Variants in IL18 observed in about 807,000 individuals in gnomAD.
IL18 encodes the protein interleukin 18, also known as interleukin-18.
IL18 carries 8 observed loss-of-function variants against 14.2 expected under a neutral mutation model. That is an observed-to-expected ratio of 0.56 (90% confidence interval 0.33 to 1.01). The LOEUF is 1.01. IL18 is among the 50% of genes least tolerant of loss of function. IL18 has a pLI of 0.03. For synonymous variants in IL18, 67 were observed against 71.0 expected, an observed-to-expected ratio of 0.94 and a Z score of 0.28; for missense variants, 166 against 231.1, an observed-to-expected ratio of 0.72 and a Z score of 1.83.
At chr11:112,151,725 T>C (rs1262744922) in intron 3 of IL18, among the ~76,000 whole-genome samples, 2 of 152,220 alleles carry the variant, frequency 1.3e-5, no homozygotes, top group Admixed American at 1.3e-4. Context: ...TCCTTGTTGC[T>C]AAATCTAAAA....
At chr11:112,159,744 C>G (rs1204719705) in intron 1 of IL18, among the ~76,000 whole-genome samples, 5 of 152,176 alleles carry the variant, frequency 3.3e-5, no homozygotes, top group Non-Finnish European at 7.3e-5. Flanking sequence ...TAAGCTTAAA[C>G]TTGTTCATTG....
At chr11:112,150,038 A>C in intron 4 of IL18, 34 bp downstream of exon 4, 2 of 1,562,630 alleles carry the variant, frequency 1.3e-6, no homozygotes, top group Non-Finnish European at 1.7e-6. Context: ...AGAAGTAGCT[A>C]GTCATTTCTA....
chr11:112,143,866 G>A, intron 5 of IL18, 49 bp from the exon 6 acceptor site: 3 of 1,186,564 alleles, frequency 2.5e-6, no homozygotes, highest in Non-Finnish European at 3.6e-6. Flanking sequence ...TGAACAATTT[G>A]AATATATGAA....
At chr11:112,152,818 TAG>T (rs1866467730) in intron 3 of IL18, among the ~76,000 whole-genome samples, 4 of 152,218 alleles carry the variant, frequency 2.6e-5, no homozygotes, top group African/African-American at 9.6e-5. Context: ...GCTGCCTACT[TAG>T]ACTTTCTTTG....
At chr11:112,146,244 T>A (rs1866341018) in intron 5 of IL18, among the ~76,000 whole-genome samples, 1 of 151,974 alleles carries the variant, frequency 6.6e-6, no homozygotes, top group South Asian at 2.1e-4. Flanking sequence ...GTTGTCAAGG[T>A]TCTTGACCAA....
intron 5 of IL18, among the ~76,000 whole-genome samples, chr11:112,145,583 C>T (rs1251222953): frequency 6.6e-6 from 1 of 151,792 alleles, no homozygotes; most frequent in South Asian, 2.1e-4. Context: ...ACTAAAAATA[C>T]AAAAAATTAG....
Position 112,155,040 on chromosome 11 carries a change from G to A in IL18, c.14C>T (p.Pro5Leu). The change falls in exon 2 of 6, where the codon CCA (proline) becomes CTA (leucine). Residue 5 changes from proline to leucine, a missense_variant. Pro to Leu is a moderately conservative substitution (Grantham distance 98). Transcript: ENST00000280357. Reference sequence around the variant, plus strand: ...AAAGTTGATGCAATTGTCTTCTACTGGTTCAGCAGCCATCTTTATTCCTAA... The same window carrying A: ...AAAGTTGATGCAATTGTCTTCTACTAGTTCAGCAGCCATCTTTATTCCTAA... MAAE[P>L]VEDNCINFVA... is the part of the protein sequence containing the mutation. 8 of 1,611,570 alleles carry A rather than the reference G, an allele frequency of 5.0e-6. No homozygotes were observed. The highest frequency in any genetic ancestry group is 5.9e-6 in the Non-Finnish European group (7 of 1,177,866).
chr11:112,143,716 T>C lies in IL18; in HGVS notation c.462A>G (p.Ser154=), dbSNP rs967939118. 2.5e-6 allele frequency: 4 copies of C among 1,611,394 alleles called. No individual in the cohort carries two copies. The African/African-American group carries it at 4.0e-5, about 16-fold the overall frequency. The change falls in exon 6 of 6, where the codon TCA becomes TCG. Residue 154 remains serine (S), a synonymous_variant. Coordinates refer to ENST00000280357, the MANE Select transcript of IL18 (RefSeq NM_001562.4). Reference sequence around the variant, plus strand: ...AAGCTAGAAAGTATCCTTCGTATGATGAAGATTCAAATTGCATCTTATTAT... The same window carrying C: ...AAGCTAGAAAGTATCCTTCGTATGACGAAGATTCAAATTGCATCTTATTAT... The part of the protein sequence containing the change: ...GHDNKMQFES[S]SYEGYFLACE...
intron 4 of IL18, among the ~76,000 whole-genome samples, chr11:112,149,007 G>C (rs1866388487): frequency 6.6e-6 from 1 of 151,944 alleles, no homozygotes; most frequent in Admixed American, 6.6e-5. Context: ...TGCAGCATGT[G>C]TGTTGTAACA....
chr11:112,149,276 T>C (rs1866394719), intron 4 of IL18, among the ~76,000 whole-genome samples: 1 of 152,046 alleles, frequency 6.6e-6, no homozygotes, highest in African/African-American at 2.4e-5. Flanking sequence ...CACTTCAGCC[T>C]GGGTGACAGA....
intron 3 of IL18, chr11:112,153,285 C>T (rs1866478814): frequency 7.4e-6 from 2 of 271,460 alleles, no homozygotes; most frequent in East Asian, 6.1e-5. Context: ...GCAACGCTCC[C>T]CCTACAACAG....
At position 112,154,984 on chromosome 11, in the gene IL18, A is replaced by G. The variant is rs1455115453; in HGVS notation, c.70T>C (p.Tyr24His). The G allele has an allele frequency of 6.2e-7, 1 of 1,601,912 alleles. No individual in the cohort carries two copies. Among genetic ancestry groups the G allele is most frequent in the Non-Finnish European group, 8.6e-7 (1 of 1,169,068 alleles). The change falls in exon 2 of 6, where the codon TAC becomes CAC. Residue 24 changes from tyrosine to histidine, a missense_variant. Tyr to His is a moderately conservative substitution (Grantham distance 83). Transcript: ENST00000280357. ...ATGGCATTAGCCTTACCTATAAAGT[A>G]AAGCGTATTGTCAATAAATTTCATT... ...VAMKFIDNTL[Y>H]FIAEDDENLE...
chr11:112,147,801 G>C (rs1422170818), intron 5 of IL18, among the ~76,000 whole-genome samples: 1 of 152,132 alleles, frequency 6.6e-6, no homozygotes, highest in African/African-American at 2.4e-5. Flanking sequence ...TTATTTATTG[G>C]CAAATCTCCA....
intron 2 of IL18, among the ~76,000 whole-genome samples, chr11:112,154,511 A>G (rs931921098): frequency 1.9e-5 from 2 of 107,174 alleles, no homozygotes; most frequent in African/African-American, 8.0e-5. Context: ...GGGCAACAGA[A>G]AAAAAAAAAA....
chr11:112,150,331 A>T lies in IL18; in HGVS notation c.92-125T>A, dbSNP rs534974635. 2.8e-5 allele frequency: 18 copies of T among 652,890 alleles called. No homozygotes were observed. The African/African-American group carries it at 2.9e-4, about 11-fold the overall frequency. The allele number at this position is 652,890 out of a possible 1,614,324, so 40.4% of individuals were successfully genotyped here. ...AATCTTCTGTTCCAGAAGTAGCTAC[A>T]ATAAAGTTGCCTATTGTTTTTTAAC... On this transcript the variant is annotated intron_variant, in intron 3 of 5. Transcript: ENST00000280357.
At chr11:112,144,089 T>C (rs1866294320) in intron 5 of IL18, among the ~76,000 whole-genome samples, 1 of 152,210 alleles carries the variant, frequency 6.6e-6, no homozygotes, top group Non-Finnish European at 1.5e-5. Flanking sequence ...CATTGAGTGG[T>C]GTCCACATTT....
intron 1 of IL18, among the ~76,000 whole-genome samples, chr11:112,159,337 ACACCAC>A (rs907937493): frequency 6.6e-6 from 1 of 152,106 alleles, no homozygotes; most frequent in Non-Finnish European, 1.5e-5. Flanking sequence ...AACTCTGTCA[ACACCAC>A]CACCACCACC....
chr11:112,161,262 G>T lies in IL18; in HGVS notation c.-9+2644C>A, dbSNP rs192865334. On this transcript the variant is annotated intron_variant, in intron 1 of 5. Coordinates refer to ENST00000280357, the MANE Select transcript of IL18 (RefSeq NM_001562.4). ...CACATGAGTTCCAGTTTTGTCTGGG[G>T]CAAGTCACTTAATTTTAAGGGTCTC... Among the ~76,000 whole-genome samples the T allele has an allele frequency of 3.3e-4, 51 of 152,272 alleles. 1 individual carries two copies. The East Asian group carries it at 9.6e-3, about 29-fold the overall frequency.
intron 5 of IL18, among the ~76,000 whole-genome samples, chr11:112,144,267 C>T (rs1866298313): frequency 6.6e-6 from 1 of 152,228 alleles, no homozygotes; most frequent in Non-Finnish European, 1.5e-5. Context: ...GGGTCTCGCT[C>T]TGTTGCCCAG....
Sources: gnomAD v4.1 joint callset for allele counts (sites outside exome capture counted in the v4.1 genomes callset) on GRCh38, gnomAD v4.1.1 for gene constraint, MANE v1.5 for transcripts, NCBI Gene and HGNC (gene_info 2026-07-23, HGNC 2026-07-21) for gene names.